CNTN5: variants seen among roughly 807,000 people sequenced by gnomAD.
The protein encoded by CNTN5 is contactin-5.
Under a neutral mutation model 129.1 loss-of-function variants are expected in CNTN5, and 77 were observed. That is an observed-to-expected ratio of 0.60 (90% CI 0.50 to 0.72). The LOEUF is 0.72. Among genes scored for constraint, CNTN5 ranks in the 30% least tolerant of loss-of-function variants. The pLI is 0.00. For missense variants in CNTN5, 1,478 were observed against 1,328.8 expected (o/e 1.11, Z -1.75); for synonymous variants, 509 against 465.6 (o/e 1.09, Z -1.20).
intron 13 of CNTN5, among the ~76,000 whole-genome samples, chr11:100,087,061 G>T (rs1482785410): frequency 6.6e-6 from 1 of 151,458 alleles, no homozygotes; most frequent in East Asian, 1.9e-4. Flanking sequence ...TAGAAGATTG[G>T]TAAAGTCAAA....
At chr11:99,159,067 A>G (rs910383574) in intron 1 of CNTN5, among the ~76,000 whole-genome samples, 2 of 152,180 alleles carry the variant, frequency 1.3e-5, no homozygotes, top group African/African-American at 4.8e-5. Flanking sequence ...TATGTGACTT[A>G]GGTCTCAGAT....
chr11:99,822,963 T>C (rs1253867766), intron 4 of CNTN5, among the ~76,000 whole-genome samples: 2 of 152,372 alleles, frequency 1.3e-5, no homozygotes, highest in South Asian at 2.1e-4. Context: ...AGCTGTCCTA[T>C]TGACAGGCCC....
At chr11:99,884,836 G>T (rs569394301) in intron 6 of CNTN5, among the ~76,000 whole-genome samples, 1 of 152,130 alleles carries the variant, frequency 6.6e-6, no homozygotes, top group Non-Finnish European at 1.5e-5. Flanking sequence ...AATTAGCTGG[G>T]TGTGATGGCA....
chr11:99,063,221 T>C (rs1864958359), intron 1 of CNTN5, among the ~76,000 whole-genome samples: 1 of 152,084 alleles, frequency 6.6e-6, no homozygotes, highest in Non-Finnish European at 1.5e-5. Flanking sequence ...TATTTAATAA[T>C]GGGAAGATGA....
At chr11:100,048,622 G>C (rs942734373) in intron 9 of CNTN5, among the ~76,000 whole-genome samples, 4 of 151,764 alleles carry the variant, frequency 2.6e-5, no homozygotes, top group African/African-American at 4.8e-5. Context: ...CAGAAGAAAA[G>C]ATCAATGAAT....
chr11:99,630,722 T>C (rs1228472276), intron 3 of CNTN5, among the ~76,000 whole-genome samples: 1 of 150,654 alleles, frequency 6.6e-6, no homozygotes, highest in African/African-American at 2.5e-5. Flanking sequence ...CCTCAGTTAT[T>C]TGTGGATTAG....
At chr11:99,323,638 A>T (rs144316893) in intron 1 of CNTN5, among the ~76,000 whole-genome samples, 367 of 152,232 alleles carry the variant, frequency 2.4e-3, no homozygotes, top group African/African-American at 8.3e-3. Context: ...CAGTAAAAAG[A>T]ACACAAAATT....
intron 21 of CNTN5, among the ~76,000 whole-genome samples, chr11:100,319,115 A>T (rs1453970298): frequency 6.6e-6 from 1 of 151,760 alleles, no homozygotes; most frequent in Non-Finnish European, 1.5e-5. Context: ...CTTACCCCCA[A>T]AAAAACACTA....
chr11:99,766,784 T>G (rs1361294810), intron 3 of CNTN5, among the ~76,000 whole-genome samples: 1 of 152,070 alleles, frequency 6.6e-6, no homozygotes, highest in African/African-American at 2.4e-5. Flanking sequence ...TTTTAAAAAC[T>G]TGCATTTGTT....
chr11:99,738,970 A>G (rs994199100), intron 3 of CNTN5, among the ~76,000 whole-genome samples: 1 of 152,326 alleles, frequency 6.6e-6, no homozygotes, highest in African/African-American at 2.4e-5. Flanking sequence ...TGGATAAGGG[A>G]CCAGATACCT....
chr11:99,028,009 G>T (rs573827964), intron 1 of CNTN5, among the ~76,000 whole-genome samples: 4 of 151,720 alleles, frequency 2.6e-5, no homozygotes, highest in Admixed American at 2.6e-4. Flanking sequence ...TGTCCTTGAA[G>T]CCCAATGAAT....
intron 2 of CNTN5, among the ~76,000 whole-genome samples, chr11:99,329,055 G>A (rs1346307121): frequency 2.6e-5 from 4 of 152,068 alleles, no homozygotes; most frequent in African/African-American, 7.2e-5. Flanking sequence ...GGACGGGGTG[G>A]TTCAAGTTGG....
chr11:99,330,464 T>A (rs2656150), intron 2 of CNTN5, among the ~76,000 whole-genome samples: 44,554 of 151,984 alleles, frequency 0.29, 6,845 homozygotes, highest in African/African-American at 0.39. Context: ...ATGGAAATAA[T>A]GATTGCGTAG....
At chr11:99,595,766 A>G (rs1319535673) in intron 3 of CNTN5, among the ~76,000 whole-genome samples, 1 of 151,492 alleles carries the variant, frequency 6.6e-6, no homozygotes, top group Non-Finnish European at 1.5e-5. Context: ...TGCCATATAT[A>G]TATATATATG....
At chr11:99,738,616 C>CGT (rs113729274) in intron 3 of CNTN5, among the ~76,000 whole-genome samples, 9,613 of 143,130 alleles carry the variant, frequency 0.067, 353 homozygotes, top group South Asian at 0.1. Flanking sequence ...AAGACAGTAA[C>CGT]GTGTGTGTGT....
chr11:99,336,229 G>A (rs892065701), intron 2 of CNTN5, among the ~76,000 whole-genome samples: 3 of 152,080 alleles, frequency 2.0e-5, no homozygotes, highest in Non-Finnish European at 2.9e-5. Flanking sequence ...AATTGGTTAA[G>A]AGAATGTTTC....
At chr11:100,053,036 CA>C (rs1198944663) in intron 9 of CNTN5, among the ~76,000 whole-genome samples, 1 of 151,524 alleles carries the variant, frequency 6.6e-6, no homozygotes, top group Non-Finnish European at 1.5e-5. Context: ...TATCCTGTAC[CA>C]TAAACAGCAA....
intron 3 of CNTN5, among the ~76,000 whole-genome samples, chr11:99,567,137 T>G (rs1319052888): frequency 1.3e-5 from 2 of 152,182 alleles, no homozygotes; most frequent in Non-Finnish European, 2.9e-5. Flanking sequence ...AGATTCTGTC[T>G]GTCTATAGGT....
intron 1 of CNTN5, among the ~76,000 whole-genome samples, chr11:99,273,555 C>T (rs1863278174): frequency 6.6e-6 from 1 of 151,658 alleles, no homozygotes; most frequent in African/African-American, 2.4e-5. Flanking sequence ...TTGCCCTTTC[C>T]TAGCTAAGAT....
Sources: gnomAD v4.1 joint callset for allele counts (sites outside exome capture counted in the v4.1 genomes callset) on GRCh38, gnomAD v4.1.1 for gene constraint, MANE v1.5 for transcripts, NCBI Gene and HGNC (gene_info 2026-07-23, HGNC 2026-07-21) for gene names.